The following FRMD4B variants were observed in gnomAD, a reference collection of about 807,000 sequenced individuals.
FRMD4B encodes the protein FERM domain-containing protein 4B.
A neutral mutation model predicts 141.5 loss-of-function variants in FRMD4B; 74 were observed. The ratio of observed to expected loss-of-function variants is 0.52; its 90% CI spans 0.43 to 0.63. The LOEUF (loss-of-function observed/expected upper bound fraction) is 0.63, where lower values mean the gene tolerates loss of function less well. Among genes scored for constraint, FRMD4B ranks in the 30% least tolerant of loss-of-function variants. FRMD4B has a pLI of 0.00. For synonymous variants in FRMD4B, 506 were observed against 467.9 expected, an observed-to-expected ratio of 1.08 and a Z score of -1.05; for missense variants, 1,366 against 1,253.4, an observed-to-expected ratio of 1.09 and a Z score of -1.36.
chr3:69,271,723 AG>A (rs1364655085), intron 5 of FRMD4B, among the ~76,000 whole-genome samples: 1 of 152,216 alleles, frequency 6.6e-6, no homozygotes, highest in East Asian at 1.9e-4. Context: ...CTGTAATCCC[AG>A]CACTTTGAGA....
At chr3:69,363,347 A>T (rs1403000335) in intron 1 of FRMD4B, among the ~76,000 whole-genome samples, 1 of 149,198 alleles carries the variant, frequency 6.7e-6, no homozygotes, top group African/African-American at 2.5e-5. Flanking sequence ...GACCTCCCAA[A>T]GTGTTGGGAT....
At chr3:69,273,780 G>C (rs966502527) in intron 5 of FRMD4B, among the ~76,000 whole-genome samples, 1 of 152,172 alleles carries the variant, frequency 6.6e-6, no homozygotes, top group Non-Finnish European at 1.5e-5. Context: ...TGGGTCTTAA[G>C]AGGTAGTGCA....
chr3:69,387,584 G>A (rs1704290264), upstream of FRMD4B, among the ~76,000 whole-genome samples: 1 of 152,182 alleles, frequency 6.6e-6, no homozygotes, highest in African/African-American at 2.4e-5. Context: ...AAAAGGAAAG[G>A]TAAGGCACCA....
intron 1 of FRMD4B, among the ~76,000 whole-genome samples, chr3:69,478,244 T>A (rs987223450): frequency 4.0e-4 from 61 of 152,324 alleles, no homozygotes; most frequent in African/African-American, 1.1e-3. Context: ...TGCCTTCTGC[T>A]AGCTTTTGAA....
rs571534506 is a variant in FRMD4B at position 69,316,248 on chromosome 3, T to A, written c.163-2731A>T. Reference sequence around the variant, plus strand: ...CTTTGTCTCATGGCCTAAGCCTATGTCCTTAATTCGGCAAAGCCAAGGTCA... The same window carrying A: ...CTTTGTCTCATGGCCTAAGCCTATGACCTTAATTCGGCAAAGCCAAGGTCA... On this transcript the variant is annotated intron_variant, in intron 1 of 22. Transcript: ENST00000398540. Among the ~76,000 whole-genome samples the A allele has an allele frequency of 2.0e-5, 3 of 152,310 alleles. No individual in the cohort carries two copies. In the East Asian group the frequency reaches 5.8e-4, roughly 29 times the overall value.
chr3:69,234,723 A>G (rs1456104247), intron 7 of FRMD4B, among the ~76,000 whole-genome samples: 1 of 152,170 alleles, frequency 6.6e-6, no homozygotes, highest in African/African-American at 2.4e-5. Context: ...ACATTATCGG[A>G]TGACTTTCTG....
intron 5 of FRMD4B, among the ~76,000 whole-genome samples, chr3:69,254,091 G>GT: frequency 6.6e-6 from 1 of 152,032 alleles, no homozygotes; most frequent in East Asian, 1.9e-4. Flanking sequence ...AAAACAAAAA[G>GT]TAAAAAACTC....
chr3:69,305,192 A>T (rs1455688115), intron 3 of FRMD4B, among the ~76,000 whole-genome samples: 1 of 152,158 alleles, frequency 6.6e-6, no homozygotes, highest in Non-Finnish European at 1.5e-5. Flanking sequence ...TACTGGAGAA[A>T]ATGAGACTAG....
chr3:69,423,533 C>T (rs559545216), intron 2 of FRMD4B, among the ~76,000 whole-genome samples: 6 of 152,232 alleles, frequency 3.9e-5, no homozygotes, highest in Non-Finnish European at 8.8e-5. Context: ...TTTAAAATGC[C>T]CCCTAAGCAT....
At chr3:69,181,864 T>C (rs2092711976) in intron 20 of FRMD4B, among the ~76,000 whole-genome samples, 154 bp from the exon 21 acceptor site, 1 of 152,204 alleles carries the variant, frequency 6.6e-6, no homozygotes, top group South Asian at 2.1e-4. Context: ...TCCATTGTTC[T>C]CCAAATCTGT....
In FRMD4B at chr3:69,313,724, T is replaced by C. The variant is rs540673179; in HGVS notation, c.163-207A>G. Among the ~76,000 whole-genome samples, 9 of 152,264 alleles carry C rather than the reference T, an allele frequency of 5.9e-5. No homozygotes were observed. The East Asian group carries it at 1.7e-3, about 29-fold the overall frequency. On this transcript the variant is annotated intron_variant, in intron 1 of 22. Coordinates refer to ENST00000398540, the MANE Select transcript of FRMD4B (RefSeq NM_015123.3). Reference sequence around the variant, plus strand: ...AACAAAGAGCACAGGCTAGTCAATATATTGCAAAAATAATGTCCATACAGT... The same window carrying C: ...AACAAAGAGCACAGGCTAGTCAATACATTGCAAAAATAATGTCCATACAGT...
intron 1 of FRMD4B, among the ~76,000 whole-genome samples, chr3:69,518,553 T>G (rs1700801097): frequency 6.6e-6 from 1 of 152,208 alleles, no homozygotes; most frequent in East Asian, 1.9e-4. Context: ...CTATTTCTAC[T>G]ATCCTTTTCT....
chr3:69,460,529 C>T (rs1705693581), intron 1 of FRMD4B, among the ~76,000 whole-genome samples: 1 of 152,158 alleles, frequency 6.6e-6, no homozygotes, highest in African/African-American at 2.4e-5. Context: ...AAACTGGTTG[C>T]ACACCAGAAT....
chr3:69,508,159 A>G (rs1706629703), intron 1 of FRMD4B, among the ~76,000 whole-genome samples: 1 of 152,118 alleles, frequency 6.6e-6, no homozygotes, highest in Non-Finnish European at 1.5e-5. Flanking sequence ...TCCTGAACAT[A>G]TTTCTCCCTC....
At chr3:69,436,746 A>G (rs1705266945) in intron 1 of FRMD4B, among the ~76,000 whole-genome samples, 1 of 152,220 alleles carries the variant, frequency 6.6e-6, no homozygotes, top group Non-Finnish European at 1.5e-5. Flanking sequence ...CATAACATGG[A>G]TTATAATTCT....
At chr3:69,212,359 C>CAAAAAAAAAAA (rs869309749) in intron 11 of FRMD4B, among the ~76,000 whole-genome samples, 19 of 25,332 alleles carry the variant, frequency 7.5e-4, no homozygotes, top group South Asian at 2.7e-3. Context: ...AACCCCGTCT[C>CAAAAAAAAAAA]AAAAAAAAAA....
chr3:69,393,447 G>A (rs1704422204), intron 2 of FRMD4B, among the ~76,000 whole-genome samples: 1 of 152,004 alleles, frequency 6.6e-6, no homozygotes, highest in Non-Finnish European at 1.5e-5. Flanking sequence ...GAAGTTATCT[G>A]TCTAGATGTA....
intron 2 of FRMD4B, among the ~76,000 whole-genome samples, chr3:69,427,661 T>TTTTTTTTTTTTTTTTTTTTTTTG (rs1238997736): frequency 7.7e-6 from 1 of 129,490 alleles, no homozygotes; most frequent in African/African-American, 3.0e-5. Flanking sequence ...TTTTTTTTTT[T>TTTTTTTTTTTTTTTTTTTTTTTG]TTTTTTTTTT....
At chr3:69,286,940 G>T (rs1458872596) in intron 5 of FRMD4B, among the ~76,000 whole-genome samples, 1 of 152,152 alleles carries the variant, frequency 6.6e-6, no homozygotes, top group Admixed American at 6.6e-5. Context: ...GAGTAGCTGG[G>T]ATTACAGGGG....
Sources: gnomAD v4.1 joint callset for allele counts (sites outside exome capture counted in the v4.1 genomes callset) on GRCh38, gnomAD v4.1.1 for gene constraint, MANE v1.5 for transcripts, NCBI Gene and HGNC (gene_info 2026-07-23, HGNC 2026-07-21) for gene names.